The following ATF2 variants were observed in gnomAD, a reference collection of about 807,000 sequenced individuals.
ATF2 encodes the protein cyclic AMP-dependent transcription factor ATF-2.
A neutral mutation model predicts 60.6 loss-of-function variants in ATF2; 24 were observed. The observed-to-expected ratio is 0.40, with a 90% CI of 0.29 to 0.56. The LOEUF is 0.56. Ranked by LOEUF, ATF2 falls within the 20% of genes least tolerant of loss-of-function variation. ATF2 has a pLI of 0.54. For missense variants in ATF2, 433 were observed against 607.7 expected (o/e 0.71, Z 3.02); for synonymous variants, 206 against 215.4 (o/e 0.96, Z 0.38).
chr2:175,153,398 T>G (rs1327541390), intron 1 of ATF2, among the ~76,000 whole-genome samples: 1 of 152,168 alleles, frequency 6.6e-6, no homozygotes, highest in Non-Finnish European at 1.5e-5. Flanking sequence ...ACACAAACCT[T>G]GATGATATAG....
intron 3 of ATF2, among the ~76,000 whole-genome samples, chr2:175,133,971 T>C (rs1330716453): frequency 2.6e-5 from 4 of 152,136 alleles, no homozygotes; most frequent in Non-Finnish European, 5.9e-5. Flanking sequence ...CCAGAGACAG[T>C]GTGTTCCAGG....
chr2:175,164,643 A>G (rs747945572), intron 1 of ATF2, among the ~76,000 whole-genome samples: 1 of 152,216 alleles, frequency 6.6e-6, no homozygotes, highest in Non-Finnish European at 1.5e-5. Context: ...TTTAACCTTG[A>G]GAAACATAAC....
At chr2:175,128,311 A>G (rs1186821623) in intron 4 of ATF2, among the ~76,000 whole-genome samples, 1 of 152,074 alleles carries the variant, frequency 6.6e-6, no homozygotes, top group Non-Finnish European at 1.5e-5. Flanking sequence ...GACCAGCCTG[A>G]CCAACATGAA....
Position 175,072,463 on chromosome 2 carries a change from A to G in ATF2, c.*2146T>C, listed in dbSNP as rs150145569. On this transcript the variant is annotated 3_prime_UTR_variant, in exon 14 of 14. Transcript: ENST00000264110. ...TTTGCTCAGTACAGACTGATTTACAATGAAAGTTTTGCTAACCTTGGTAAG... is the reference window on the plus strand; with the variant it reads ...TTTGCTCAGTACAGACTGATTTACAGTGAAAGTTTTGCTAACCTTGGTAAG... 2 of 152,286 alleles carry G rather than the reference A, an allele frequency of 1.3e-5. No homozygotes were observed. The highest frequency in any genetic ancestry group is 2.4e-5 in the African/African-American group (1 of 41,584). The allele number at this position is 152,286 out of a possible 1,614,324, so 9.4% of individuals were successfully genotyped here.
At chr2:175,076,564 C>A (rs796494252) in intron 13 of ATF2, among the ~76,000 whole-genome samples, 9 of 152,142 alleles carry the variant, frequency 5.9e-5, no homozygotes, top group African/African-American at 1.7e-4. Context: ...CTCTCCTTCA[C>A]CCCCCTACTT....
chr2:175,133,596 T>G (rs1391897499), intron 3 of ATF2, among the ~76,000 whole-genome samples: 1 of 152,196 alleles, frequency 6.6e-6, no homozygotes, highest in Non-Finnish European at 1.5e-5. Context: ...TAGGCTTCAT[T>G]TCACAGGACT....
Position 175,144,198 on chromosome 2 carries a change from C to T in ATF2, c.-44+6862G>A, listed in dbSNP as rs947569675. On this transcript the variant is annotated intron_variant, in intron 2 of 13. Coordinates refer to ENST00000264110, the MANE Select transcript of ATF2 (RefSeq NM_001880.4). The stretch of plus-strand genomic sequence containing the variant: ...ATGGATTTCTGATCGGGCACCTCGT[C>T]GTTAGGTTCCTAATATAGTCCTAAC... Among the ~76,000 whole-genome samples the T allele has an allele frequency of 3.9e-5, 6 of 152,256 alleles. No homozygotes were observed. The South Asian group carries it at 6.2e-4, about 16-fold the overall frequency.
chr2:175,118,607 G>A (rs1696745305), intron 5 of ATF2, among the ~76,000 whole-genome samples: 1 of 151,516 alleles, frequency 6.6e-6, no homozygotes, highest in South Asian at 2.1e-4. Context: ...TTGCTCCTTA[G>A]TCCACTGCTT....
Position 175,093,232 on chromosome 2 carries a change from A to G in ATF2, c.1014T>C (p.Ser338=). The G allele has an allele frequency of 6.2e-7, 1 of 1,614,072 alleles. No homozygotes were observed. The highest frequency in any genetic ancestry group is 8.5e-7 in the Non-Finnish European group (1 of 1,180,010). ...SPAHTTPQTQ[S]TSGRRRRAAN... is the part of the protein sequence containing the mutation. ...CTGCTCTTCTCCGACGACCACTTGT[A>G]CTTTGGGTCTGTGGAGTTGTGTGAG... Residue 338 remains serine, a synonymous_variant, in exon 12 of 14, where the codon AGT becomes AGC. Transcript: ENST00000264110.
At chr2:175,147,023 A>G (rs889461681) in intron 2 of ATF2, among the ~76,000 whole-genome samples, 13 of 152,356 alleles carry the variant, frequency 8.5e-5, no homozygotes, top group Non-Finnish European at 1.9e-4. Context: ...GCTATGATAT[A>G]TATCAAAGAA....
chr2:175,090,829 T>G (rs1044779158), intron 12 of ATF2, among the ~76,000 whole-genome samples: 2 of 152,172 alleles, frequency 1.3e-5, no homozygotes, highest in African/African-American at 2.4e-5. Context: ...AATTAGGAAG[T>G]ATATACAAAG....
intron 2 of ATF2, among the ~76,000 whole-genome samples, chr2:175,145,567 C>G (rs1029035377): frequency 2.0e-5 from 3 of 152,144 alleles, no homozygotes; most frequent in Admixed American, 2.0e-4. Context: ...ATAAATTACC[C>G]AGTCTCAGGT....
At chr2:175,081,085 C>T (rs922020764) in intron 12 of ATF2, among the ~76,000 whole-genome samples, 1 of 152,020 alleles carries the variant, frequency 6.6e-6, no homozygotes, top group African/African-American at 2.4e-5. Context: ...ATGTTGCATG[C>T]TCTTCTGATT....
intron 10 of ATF2, among the ~76,000 whole-genome samples, chr2:175,100,092 T>C (rs1412604483): frequency 1.3e-5 from 2 of 152,232 alleles, no homozygotes; most frequent in African/African-American, 4.8e-5. Context: ...TGCAATGTAC[T>C]ATGGTCTTAT....
At position 175,121,546 on chromosome 2, in the gene ATF2, G is replaced by T; in HGVS notation, c.103-6C>A. Reference sequence around the variant, plus strand: ...TGATCCTCGTTGGTAAAACGCTGTGGCAAAAAGTTTTAAAATATAGTTAAG... The same window carrying T: ...TGATCCTCGTTGGTAAAACGCTGTGTCAAAAAGTTTTAAAATATAGTTAAG... On this transcript the variant is annotated splice_region_variant and splice_polypyrimidine_tract_variant and intron_variant, in intron 4 of 13. Coordinates refer to ENST00000264110, the MANE Select transcript of ATF2 (RefSeq NM_001880.4). 1 of 1,585,844 alleles carries T rather than the reference G, an allele frequency of 6.3e-7. No homozygotes were observed. The highest frequency in any genetic ancestry group is 8.6e-7 in the Non-Finnish European group (1 of 1,166,752).
chr2:175,129,940 T>C (rs1467275251), intron 4 of ATF2, among the ~76,000 whole-genome samples, 198 bp downstream of exon 4: 1 of 152,002 alleles, frequency 6.6e-6, no homozygotes, highest in African/African-American at 2.4e-5. Context: ...CCGTATTGGA[T>C]TATACTTTCT....
At chr2:175,075,024 A>C (rs894852040) in intron 13 of ATF2, 189 bp from the exon 14 acceptor site, 7 of 1,462,522 alleles carry the variant, frequency 4.8e-6, no homozygotes, top group Non-Finnish European at 6.3e-6. Flanking sequence ...AAGAAGGCAC[A>C]ACCATGCATA....
rs1574499741 is a variant in ATF2, at chr2:175,155,928, C to G, written c.-142-4770G>C. On this transcript the variant is annotated intron_variant, in intron 1 of 13. Transcript: ENST00000264110. ...TTGTAGGAATCAACTTTAAAATGTACAAGGGTAGAGAATTTATCAAGTTTC... is the reference window on the plus strand; with the variant it reads ...TTGTAGGAATCAACTTTAAAATGTAGAAGGGTAGAGAATTTATCAAGTTTC... Among the ~76,000 whole-genome samples, 8 of 152,092 alleles carry G rather than the reference C, an allele frequency of 5.3e-5. No homozygotes were observed. In the South Asian group the frequency reaches 1.7e-3, roughly 32 times the overall value.
intron 2 of ATF2, among the ~76,000 whole-genome samples, chr2:175,139,663 CAAA>C (rs201481065): frequency 3.7e-5 from 3 of 80,124 alleles, no homozygotes; most frequent in African/African-American, 4.5e-5. Flanking sequence ...GACTCCATCT[CAAA>C]AAAAAAAAAA....
Sources: allele counts gnomAD v4.1 joint callset (sites outside exome capture counted in the v4.1 genomes callset), GRCh38; gene constraint gnomAD v4.1.1; transcripts MANE v1.5; gene names NCBI Gene and HGNC (gene_info 2026-07-23, HGNC 2026-07-21).